CYFIP2: variants seen among roughly 807,000 people sequenced by gnomAD.
CYFIP2 encodes cytoplasmic FMR1 interacting protein 2.
In CYFIP2, 29 loss-of-function variants were observed where a neutral mutation model predicts 158.7. That is an observed-to-expected ratio of 0.18 (90% CI 0.14 to 0.25). The LOEUF (loss-of-function observed/expected upper bound fraction) is 0.25, where lower values mean the gene tolerates loss of function less well. Among genes scored for constraint, CYFIP2 ranks in the 10% least tolerant of loss-of-function variants. The pLI, the probability that CYFIP2 is intolerant of heterozygous loss-of-function variation, is 1.00. For missense variants in CYFIP2, 852 were observed against 1,639.5 expected (o/e 0.52, Z 8.29); for synonymous variants, 585 against 617.6 (o/e 0.95, Z 0.78).
intron 15 of CYFIP2, among the ~76,000 whole-genome samples, chr5:157,321,065 G>T (rs938236674): frequency 4.6e-5 from 7 of 152,250 alleles, no homozygotes. Flanking sequence ...TGCCTCAGTT[G>T]TTTAAACTGG....
intron 5 of CYFIP2, among the ~76,000 whole-genome samples, chr5:157,300,490 G>A (rs900795551): frequency 1.3e-5 from 2 of 149,452 alleles, no homozygotes; most frequent in African/African-American, 2.5e-5. Flanking sequence ...AGCCGAGATC[G>A]CACCGCTGCA....
At chr5:157,357,828 C>CA (rs200613860) in intron 23 of CYFIP2, among the ~76,000 whole-genome samples, 3,677 of 139,850 alleles carry the variant, frequency 0.026, 75 homozygotes, top group East Asian at 0.1. Flanking sequence ...GAATCTGTCT[C>CA]AAAAAAAAAA....
intron 8 of CYFIP2, among the ~76,000 whole-genome samples, chr5:157,305,570 G>T (rs754167712): frequency 6.6e-6 from 1 of 152,202 alleles, no homozygotes; most frequent in Non-Finnish European, 1.5e-5. Context: ...GAGTGCAGTG[G>T]CACAATCATG....
At chr5:157,307,092 G>A (rs1239625612) in intron 8 of CYFIP2, among the ~76,000 whole-genome samples, 1 of 152,114 alleles carries the variant, frequency 6.6e-6, no homozygotes, top group African/African-American at 2.4e-5. Flanking sequence ...CTATTAGAAG[G>A]GTTGGAATCA....
intron 26 of CYFIP2, among the ~76,000 whole-genome samples, chr5:157,381,627 G>T (rs1766103383): frequency 6.6e-6 from 1 of 152,026 alleles, no homozygotes; most frequent in Non-Finnish European, 1.5e-5. Context: ...GGACTGCAGA[G>T]TGTTCTTCCT....
In CYFIP2 at chr5:157,299,031, G is replaced by A. The variant is rs954094472; in HGVS notation, c.388-1684G>A. Among the ~76,000 whole-genome samples, 9 of 152,182 alleles carry A rather than the reference G, an allele frequency of 5.9e-5. 1 individual carries two copies. The highest frequency in any genetic ancestry group is 1.3e-4 in the Admixed American group (2 of 15,290). ...TTATGAACAAACATTGATCGTTCAC[G>A]TACAAGTATTTGTGTGGACGTATGT... On this transcript the variant is annotated intron_variant, in intron 5 of 30. Transcript: ENST00000620254.
At chr5:157,323,133 GGA>G in intron 15 of CYFIP2, 1 of 988,204 alleles carries the variant, frequency 1.0e-6, no homozygotes, top group Non-Finnish European at 1.5e-6. Context: ...CAAATGATGT[GGA>G]GAGATCTAGA....
chr5:157,288,953 A>T (rs1289298548), intron 3 of CYFIP2, among the ~76,000 whole-genome samples: 2 of 152,230 alleles, frequency 1.3e-5, no homozygotes, highest in Non-Finnish European at 2.9e-5. Flanking sequence ...GAGGATAATG[A>T]TACCTTGTAG....
Position 157,361,409 on chromosome 5 carries a change from C to T in CYFIP2, c.2909-59C>T. On this transcript the variant is annotated intron_variant, in intron 25 of 30. Transcript: ENST00000620254. The surrounding 1 kb of genome is among the most constrained non-coding windows in gnomAD (Gnocchi z 4.4). ...TGGGGCTGCCACTCAGTCATTGTTTCCCATAGACCCTACTGAGCAGTGTCA... is the reference window on the plus strand; with the variant it reads ...TGGGGCTGCCACTCAGTCATTGTTTTCCATAGACCCTACTGAGCAGTGTCA... 2 of 1,609,786 alleles carry T rather than the reference C, an allele frequency of 1.2e-6. No individual in the cohort carries two copies. Among genetic ancestry groups the T allele is most frequent in the Admixed American group, 1.7e-5 (1 of 59,916 alleles).
At chr5:157,322,394 C>T (rs1269539417) in intron 15 of CYFIP2, among the ~76,000 whole-genome samples, 1 of 152,242 alleles carries the variant, frequency 6.6e-6, no homozygotes, top group Non-Finnish European at 1.5e-5. Flanking sequence ...GAATTAAATG[C>T]TCTGTTAAGT....
At chr5:157,376,022 C>CACT (rs1341875332) in intron 26 of CYFIP2, 3 of 152,560 alleles carry the variant, frequency 2.0e-5, no homozygotes, top group Non-Finnish European at 4.4e-5. Context: ...AAGGATGCCC[C>CACT]ACTCCTTTCA....
intron 26 of CYFIP2, among the ~76,000 whole-genome samples, chr5:157,370,287 T>C (rs1049472628): frequency 6.6e-6 from 1 of 152,232 alleles, no homozygotes; most frequent in Non-Finnish European, 1.5e-5. Context: ...AGTCTTGACA[T>C]TGATGCTTAG....
intron 26 of CYFIP2, among the ~76,000 whole-genome samples, chr5:157,372,505 TAAG>T (rs961644678): frequency 1.6e-4 from 25 of 152,108 alleles, no homozygotes; most frequent in African/African-American, 5.6e-4. Flanking sequence ...ATCAAAAAGT[TAAG>T]AAGGAAAGGG....
At chr5:157,359,457 C>T (rs1165369475) in intron 24 of CYFIP2, among the ~76,000 whole-genome samples, 1 of 152,220 alleles carries the variant, frequency 6.6e-6, no homozygotes, top group Non-Finnish European at 1.5e-5. Flanking sequence ...GACTGCTCAT[C>T]CTCCCCAGCT....
chr5:157,319,098 C>T (rs1760381516), intron 13 of CYFIP2, among the ~76,000 whole-genome samples: 1 of 152,160 alleles, frequency 6.6e-6, no homozygotes, highest in African/African-American at 2.4e-5. Context: ...CACATACTTG[C>T]AGGCAGGCAG....
chr5:157,300,776 A>G lies in CYFIP2; in HGVS notation c.449A>G (p.Lys150Arg), dbSNP rs1442196439. 6.2e-7 allele frequency: 1 copy of G among 1,613,510 alleles called. No individual in the cohort carries two copies. Among genetic ancestry groups the G allele is most frequent in the African/African-American group, 1.3e-5 (1 of 75,036 alleles). Residue 150 changes from lysine to arginine, a missense_variant, in exon 6 of 31, where the codon AAG becomes AGG. Lys to Arg is a conservative substitution (Grantham distance 26). Around this residue, in one of 8 missense-constraint regions of CYFIP2, gnomAD observed 123 missense variants for 316.7 expected, o/e 0.39. Coordinates refer to ENST00000620254, the MANE Select transcript of CYFIP2 (RefSeq NM_001037333.3). ...VKRLCHAERRKDFVSEAYLLT... is the reference protein window; with the variant it reads ...VKRLCHAERRRDFVSEAYLLT... ...CGGCTGTGCCATGCCGAGCGCAGGA[A>G]GGACTTTGTCTCTGAGGCCTACCTC... is the stretch of plus-strand genomic sequence containing the variant.
In CYFIP2 at chr5:157,327,314, TA is replaced by T. The variant is rs1301822315; in HGVS notation, c.2080-658del. 1.4e-4 allele frequency among the ~76,000 whole-genome samples: 21 copies of T among 152,230 alleles called. No homozygotes were observed. In the South Asian group the frequency reaches 3.7e-3, roughly 27 times the overall value. On this transcript the variant is annotated intron_variant, in intron 18 of 30. Coordinates refer to ENST00000620254, the MANE Select transcript of CYFIP2 (RefSeq NM_001037333.3). Reference sequence around the variant, plus strand: ...ATGTGGTGGCTCATGCCTGTAATCCTAGCACTTTGGGAGGCCAAGGTGGGTG... The same window carrying T: ...ATGTGGTGGCTCATGCCTGTAATCCTGCACTTTGGGAGGCCAAGGTGGGTG...
Position 157,393,001 on chromosome 5 carries a change from G to A in CYFIP2, c.*1G>A, listed in dbSNP as rs1310601345. 2 of 1,613,686 alleles carry A rather than the reference G, an allele frequency of 1.2e-6. No individual in the cohort carries two copies. The highest frequency in any genetic ancestry group is 1.7e-6 in the Non-Finnish European group (2 of 1,179,754). ...CCAGTCCTTGGCCACCACTTGCTAA[G>A]CAGAAGATCCTGCAGACCCTTATCT... On this transcript the variant is annotated 3_prime_UTR_variant, in exon 31 of 31. Transcript: ENST00000620254.
intron 21 of CYFIP2, among the ~76,000 whole-genome samples, chr5:157,338,534 C>T (rs1219958954): frequency 6.6e-6 from 1 of 152,248 alleles, no homozygotes; most frequent in East Asian, 1.9e-4. Context: ...GGCAGCAATA[C>T]TGACCTCATA....
Sources: allele counts gnomAD v4.1 joint callset (sites outside exome capture counted in the v4.1 genomes callset), GRCh38; gene constraint gnomAD v4.1.1; regional missense constraint gnomAD v4.1.1; non-coding constraint Gnocchi (gnomAD v3.1); transcripts MANE v1.5; gene names NCBI Gene and HGNC (gene_info 2026-07-23, HGNC 2026-07-21).